The following GRAMD4 variants were observed in gnomAD, a reference collection of about 807,000 sequenced individuals.
The protein encoded by GRAMD4 is GRAM domain-containing protein 4.
In GRAMD4, 25 loss-of-function variants were observed where a neutral mutation model predicts 83.9. That is an observed-to-expected ratio of 0.30 (90% confidence interval 0.22 to 0.42). The LOEUF is 0.42. GRAMD4 is among the 10% of genes least tolerant of loss of function. The pLI, the probability that GRAMD4 is intolerant of heterozygous loss-of-function variation, is 1.00. For synonymous variants in GRAMD4, 336 were observed against 320.9 expected, an observed-to-expected ratio of 1.05 and a Z score of -0.50; for missense variants, 593 against 788.7, an observed-to-expected ratio of 0.75 and a Z score of 2.97.
Position 46,673,777 on chromosome 22 carries a change from G to A in GRAMD4, c.1347G>A (p.Glu449=). 2 of 1,613,154 alleles carry A rather than the reference G, an allele frequency of 1.2e-6. No homozygotes were observed. The highest frequency in any genetic ancestry group is 1.7e-6 in the Non-Finnish European group (2 of 1,179,982). ...GCACCAAGAAGGGCAATTTCCACGA[G>A]ATCTTCAATCTGACAGAAAACGAGC... The part of the protein sequence containing the change: ...FHSTKKGNFH[E]IFNLTENERP... The change falls in exon 15 of 19, where the codon GAG becomes GAA. Residue 449 remains glutamate, a synonymous_variant. Transcript: ENST00000406902.
chr22:46,590,412 G>A (rs2081195271), intron 1 of GRAMD4, among the ~76,000 whole-genome samples: 1 of 152,222 alleles, frequency 6.6e-6, no homozygotes, highest in African/African-American at 2.4e-5. Flanking sequence ...AGGTGCCGGG[G>A]ATGGGTGAGC....
chr22:46,666,343 G>T (rs2082408655), intron 9 of GRAMD4, among the ~76,000 whole-genome samples: 1 of 152,228 alleles, frequency 6.6e-6, no homozygotes, highest in South Asian at 2.1e-4. Context: ...CGAGGCTCAG[G>T]GAAGAGCTGT....
chr22:46,674,291 G>T (rs1428010893), intron 15 of GRAMD4, among the ~76,000 whole-genome samples: 2 of 152,204 alleles, frequency 1.3e-5, no homozygotes, highest in East Asian at 3.8e-4. Context: ...CAGCTGCGGA[G>T]AACGGAGCTT....
At chr22:46,656,961 T>C (rs6008941) in intron 3 of GRAMD4, among the ~76,000 whole-genome samples, 13,581 of 152,238 alleles carry the variant, frequency 0.089, 804 homozygotes, top group African/African-American at 0.16. Context: ...TCAGCCACCA[T>C]AGGCCACAGC....
intron 1 of GRAMD4, among the ~76,000 whole-genome samples, chr22:46,623,647 C>T (rs995060905): frequency 1.3e-5 from 2 of 152,078 alleles, no homozygotes; most frequent in Non-Finnish European, 2.9e-5. Context: ...CCGCCCGCCC[C>T]GGCCTCCCAA....
In GRAMD4 at chr22:46,663,709, A is replaced by C. The variant is rs1050187225; in HGVS notation, c.600-129A>C. ...GCCGCCGTGCATGGCCATTCTGTGCACTCAAGGGGTCCCAGGCTGTTGAGA... is the reference window on the plus strand; with the variant it reads ...GCCGCCGTGCATGGCCATTCTGTGCCCTCAAGGGGTCCCAGGCTGTTGAGA... On this transcript the variant is annotated intron_variant, in intron 6 of 18. Transcript: ENST00000406902. The C allele has an allele frequency of 4.6e-6, 4 of 874,666 alleles. No individual in the cohort carries two copies. In the African/African-American group the frequency reaches 6.6e-5, roughly 14 times the overall value. 54.2% of individuals were successfully genotyped at this position (874,666 alleles called of 1,614,324 possible). A position where few individuals can be genotyped will look rare whatever the true frequency, so the allele number is the denominator to read the frequency against.
At chr22:46,615,754 AG>A (rs2081477813), upstream of GRAMD4, among the ~76,000 whole-genome samples, 1 of 7,660 alleles carries the variant, frequency 1.3e-4, no homozygotes, top group Non-Finnish European at 2.3e-4. Context: ...CTGTGCGTGT[AG>A]GTTCCCCCTT....
intron 1 of GRAMD4, among the ~76,000 whole-genome samples, chr22:46,597,347 G>A (rs571991001): frequency 6.8e-4 from 103 of 152,332 alleles, no homozygotes; most frequent in African/African-American, 2.3e-3. Context: ...CCCCAAAGGC[G>A]TATGGGGATG....
At chr22:46,600,128 C>T (rs528520198) in intron 1 of GRAMD4, among the ~76,000 whole-genome samples, 2 of 152,120 alleles carry the variant, frequency 1.3e-5, no homozygotes, top group Non-Finnish European at 1.5e-5. Flanking sequence ...TTTTATGCCT[C>T]GATTTTTAAA....
intron 1 of GRAMD4, among the ~76,000 whole-genome samples, chr22:46,612,205 C>T (rs2081425103): frequency 6.6e-6 from 1 of 151,946 alleles, no homozygotes. Context: ...CGGGGTCTTG[C>T]CGTGTTGTCT....
At chr22:46,673,430 A>C (rs1393017046) in intron 14 of GRAMD4, among the ~76,000 whole-genome samples, 1 of 152,240 alleles carries the variant, frequency 6.6e-6, no homozygotes. Flanking sequence ...ACGGGGAATG[A>C]GCAGGCCTCG....
chr22:46,600,739 C>A (rs555282655), intron 1 of GRAMD4, among the ~76,000 whole-genome samples: 1 of 152,028 alleles, frequency 6.6e-6, no homozygotes, highest in Non-Finnish European at 1.5e-5. Context: ...CATTGCCACT[C>A]GCTATTAGAA....
chr22:46,577,494 C>G (rs1228574866), intron 1 of GRAMD4, among the ~76,000 whole-genome samples: 4 of 150,750 alleles, frequency 2.7e-5, no homozygotes, highest in Non-Finnish European at 5.9e-5. Context: ...CCGCGCGTCA[C>G]GGCTGCTCCC....
intron 1 of GRAMD4, among the ~76,000 whole-genome samples, chr22:46,594,503 G>A (rs545072858): frequency 6.6e-6 from 1 of 152,230 alleles, no homozygotes; most frequent in African/African-American, 2.4e-5. Flanking sequence ...GCTGGGGTAG[G>A]GGGAGGCTCC....
In GRAMD4 at chr22:46,605,507, G is replaced by A. The variant is rs555853565; in HGVS notation, c.-49-21244G>A. The stretch of plus-strand genomic sequence containing the variant: ...GGATCATATGGTAGTTCTATTTTTC[G>A]TATTTTGCGGAACCTCCATACTGTG... On this transcript the variant is annotated intron_variant, in intron 1 of 1. Transcript: ENST00000431155. Among the ~76,000 whole-genome samples, 5 of 152,344 alleles carry A rather than the reference G, an allele frequency of 3.3e-5. No homozygotes were observed. The South Asian group carries it at 6.2e-4, about 19-fold the overall frequency.
At chr22:46,595,987 A>G (rs2081258564) in intron 1 of GRAMD4, among the ~76,000 whole-genome samples, 1 of 152,084 alleles carries the variant, frequency 6.6e-6, no homozygotes. Context: ...TGGTGGGACA[A>G]GCACCCAGAC....
rs571060409 is a variant in GRAMD4 at position 46,577,383 on chromosome 22, C to G, written c.-50+93C>G. On this transcript the variant is annotated intron_variant, in intron 1 of 1. Transcript: ENST00000431155. ...CTGGCGGCTCGCGACCCAGCTCACT[C>G]GGCCGCGCTCTCCCCGCCGCCGCCG... is the stretch of plus-strand genomic sequence containing the variant. The G allele has an allele frequency of 5.0e-4, 386 of 769,762 alleles. 1 individual carries two copies. In the African/African-American group the frequency reaches 7.1e-3, roughly 14 times the overall value. 47.7% of individuals were successfully genotyped at this position (769,762 alleles called of 1,614,324 possible).
At chr22:46,644,730 T>TTC (rs2082046975) in intron 3 of GRAMD4, among the ~76,000 whole-genome samples, 1 of 106,858 alleles carries the variant, frequency 9.4e-6, no homozygotes, top group Non-Finnish European at 2.0e-5. Flanking sequence ...TTTTTTTTTT[T>TTC]TTTTACTTTG....
In GRAMD4 at chr22:46,665,186, G is replaced by A. The variant is rs1028694656; in HGVS notation, c.718-429G>A. ...CCTGCCCTGTGCACATCTGCTCTGC[G>A]TCCCGGGCTCTGTGCTGGGCACAGA... On this transcript the variant is annotated intron_variant, in intron 8 of 18. Coordinates refer to ENST00000406902, the MANE Select transcript of GRAMD4 (RefSeq NM_015124.5). 6.6e-5 allele frequency among the ~76,000 whole-genome samples: 10 copies of A among 152,212 alleles called. No homozygotes were observed. The South Asian group carries it at 8.3e-4, about 13-fold the overall frequency.
Sources: gnomAD v4.1 joint callset for allele counts (sites outside exome capture counted in the v4.1 genomes callset) on GRCh38, gnomAD v4.1.1 for gene constraint, MANE v1.5 for transcripts, NCBI Gene and HGNC (gene_info 2026-07-23, HGNC 2026-07-21) for gene names.